MYL10: variants seen among roughly 807,000 people sequenced by gnomAD.
MYL10 encodes myosin regulatory light chain 10.
In MYL10, 18 loss-of-function variants were observed where a neutral mutation model predicts 21.9. The observed-to-expected ratio is 0.82, with a 90% CI of 0.57 to 1.22. The LOEUF (loss-of-function observed/expected upper bound fraction) is 1.22, where lower values mean the gene tolerates loss of function less well. Among genes scored for constraint, MYL10 ranks in the 50% most tolerant of loss-of-function variants. The probability of loss-of-function intolerance (pLI) is 0.00; values close to 1 mark genes in which losing one functional copy is unlikely to be tolerated. For missense variants in MYL10, 225 were observed against 230.4 expected, an observed-to-expected ratio of 0.98 and a Z score of 0.15; for synonymous variants, 88 against 82.8, an observed-to-expected ratio of 1.06 and a Z score of -0.34.
intron 5 of MYL10, among the ~76,000 whole-genome samples, chr7:101,621,146 C>A (rs1796672687): frequency 6.6e-6 from 1 of 152,070 alleles, no homozygotes; most frequent in Admixed American, 6.5e-5. Context: ...TATGGGAGAG[C>A]TCCCCCGAGG....
At chr7:101,625,568 C>A in intron 1 of MYL10, among the ~76,000 whole-genome samples, 1 of 151,906 alleles carries the variant, frequency 6.6e-6, no homozygotes. Context: ...CCCCAGCTCA[C>A]TGCTGTCCCC....
chr7:101,615,212 G>A (rs879415166), intron 6 of MYL10, among the ~76,000 whole-genome samples: 2 of 152,110 alleles, frequency 1.3e-5, no homozygotes, highest in Admixed American at 1.3e-4. Flanking sequence ...AGGCGGTGCT[G>A]GCTACGATCT....
intron 1 of MYL10, among the ~76,000 whole-genome samples, chr7:101,626,129 A>C (rs1796743042): frequency 6.6e-6 from 1 of 152,240 alleles, no homozygotes; most frequent in African/African-American, 2.4e-5. Flanking sequence ...GGTCACCCGG[A>C]TCTGGGTTCA....
At chr7:101,627,986 G>C (rs1796766830) in intron 1 of MYL10, among the ~76,000 whole-genome samples, 1 of 152,168 alleles carries the variant, frequency 6.6e-6, no homozygotes, top group Non-Finnish European at 1.5e-5. Context: ...GAATAGGGGG[G>C]AGTGTATGAA....
chr7:101,624,259 C>T lies in MYL10; in HGVS notation c.84G>A (p.Pro28=), dbSNP rs781308230. ...CTTCTGCTCTTTTCCGAGCTCTTCT[C>T]GGTGCCTGCGAGGTAGCAGACAAGG... The part of the protein sequence containing the change: ...RPPKVLGLQA[P]RRARKRAEGT... Residue 28 remains proline, a synonymous_variant, in exon 2 of 8, where the codon CCG becomes CCA. Coordinates refer to ENST00000223167, the MANE Select transcript of MYL10 (RefSeq NM_138403.5). 5 of 1,612,536 alleles carry T rather than the reference C, an allele frequency of 3.1e-6. No homozygotes were observed. Among genetic ancestry groups the T allele is most frequent in the Admixed American group, 3.4e-5 (2 of 59,550 alleles).
intron 5 of MYL10, among the ~76,000 whole-genome samples, chr7:101,621,828 C>T (rs957114319): frequency 4.6e-5 from 7 of 152,136 alleles, no homozygotes; most frequent in South Asian, 2.1e-4. Context: ...TCAAGCAAAC[C>T]GCCCGCCTCA....
chr7:101,616,203 A>G lies in MYL10; in HGVS notation c.533+17T>C. ...CTTATTCCCCTGAGCATTTTGGGGG[A>G]GTCAGGGGAAACTTACACATCGGCC... On this transcript the variant is annotated intron_variant, in intron 6 of 7. Coordinates refer to ENST00000223167, the MANE Select transcript of MYL10 (RefSeq NM_138403.5). 1 of 1,610,406 alleles carries G rather than the reference A, an allele frequency of 6.2e-7. No homozygotes were observed. The highest frequency in any genetic ancestry group is 1.1e-5 in the South Asian group (1 of 90,956).
intron 1 of MYL10, among the ~76,000 whole-genome samples, chr7:101,628,726 C>T (rs1049905391): frequency 3.9e-5 from 6 of 152,172 alleles, no homozygotes; most frequent in African/African-American, 1.2e-4. Flanking sequence ...CTGCCAGGGC[C>T]GGCAGTGCTG....
At chr7:101,623,746 C>A (rs115303871) in intron 3 of MYL10, among the ~76,000 whole-genome samples, 174 bp downstream of exon 3, 1,947 of 148,198 alleles carry the variant, frequency 0.013, 36 homozygotes, top group African/African-American at 0.045. Flanking sequence ...TAGTAATGGG[C>A]GCTGGGCACT....
In MYL10 at chr7:101,613,457, G is replaced by A. The variant is rs1229760017; in HGVS notation, c.*18C>T. ...ACAGTGTTTGCTGCCCCTGAATGTC[G>A]GGGAGACTTGTGATCCCCTAATCCT... On this transcript the variant is annotated 3_prime_UTR_variant, in exon 8 of 8. Transcript: ENST00000223167. 26 of 1,605,540 alleles carry A rather than the reference G, an allele frequency of 1.6e-5. No individual in the cohort carries two copies. Among genetic ancestry groups the A allele is most frequent in the Middle Eastern group, 1.7e-4 (1 of 6,036 alleles).
chr7:101,615,634 A>C (rs1796600214), intron 6 of MYL10, among the ~76,000 whole-genome samples: 1 of 143,538 alleles, frequency 7.0e-6, no homozygotes, highest in Non-Finnish European at 1.5e-5. Flanking sequence ...ATTCTTCAAG[A>C]TCTGCCTTTG....
chr7:101,622,956 C>T (rs773793696), intron 4 of MYL10, 41 bp downstream of exon 4: 2 of 1,596,108 alleles, frequency 1.3e-6, no homozygotes, highest in Non-Finnish European at 8.6e-7. Flanking sequence ...CTCTGTCTGG[C>T]TGGCCTGGCC....
intron 1 of MYL10, among the ~76,000 whole-genome samples, chr7:101,625,362 G>A (rs1191844119): frequency 6.6e-6 from 1 of 152,234 alleles, no homozygotes; most frequent in East Asian, 1.9e-4. Flanking sequence ...CTCTCGATGG[G>A]GGAAAAGAAT....
At chr7:101,621,977 G>C in intron 5 of MYL10, 119 bp downstream of exon 5, 1 of 741,632 alleles carries the variant, frequency 1.3e-6, no homozygotes, top group South Asian at 1.8e-5. Flanking sequence ...GGGGGCTGGT[G>C]TCTGGGGCCA....
chr7:101,625,586 C>G (rs1351068209), intron 1 of MYL10, among the ~76,000 whole-genome samples: 2 of 152,078 alleles, frequency 1.3e-5, no homozygotes, highest in East Asian at 1.9e-4. Context: ...CCCACCCCCG[C>G]CCAGGAGCCC....
chr7:101,623,142 C>T (rs944299737), intron 3 of MYL10, 70 bp from the exon 4 acceptor site: 3 of 1,430,792 alleles, frequency 2.1e-6, no homozygotes, highest in Admixed American at 1.8e-5. Flanking sequence ...AGGGACCGTC[C>T]TCCTGCCGAC....
chr7:101,616,151 T>C (rs1796606717), intron 6 of MYL10, 69 bp downstream of exon 6: 6 of 1,375,384 alleles, frequency 4.4e-6, no homozygotes, highest in Non-Finnish European at 5.1e-6. Context: ...TGGGCGACCA[T>C]CCACCCTGAC....
At chr7:101,622,230 G>A (rs371187569) in intron 4 of MYL10, 30 bp from the exon 5 acceptor site, 112 of 1,546,710 alleles carry the variant, frequency 7.2e-5, no homozygotes, top group Middle Eastern at 3.4e-4. Flanking sequence ...GGGGCAGGGA[G>A]GATAAGAGAG....
intron 6 of MYL10, among the ~76,000 whole-genome samples, chr7:101,615,600 C>A (rs868607918): frequency 1.2e-4 from 17 of 147,248 alleles, no homozygotes; most frequent in South Asian, 9.3e-4. Flanking sequence ...GCTGTTCCCC[C>A]CCTAGCCTGG....
Sources: gnomAD v4.1 joint callset for allele counts (sites outside exome capture counted in the v4.1 genomes callset) on GRCh38, gnomAD v4.1.1 for gene constraint, MANE v1.5 for transcripts, NCBI Gene and HGNC (gene_info 2026-07-23, HGNC 2026-07-21) for gene names.